GRIK2: variants seen among roughly 807,000 people sequenced by gnomAD.
The protein encoded by GRIK2 is glutamate receptor ionotropic, kainate 2.
Under a neutral mutation model 100.3 loss-of-function variants are expected in GRIK2, and 32 were observed. That is an observed-to-expected ratio of 0.32 (90% CI 0.24 to 0.43). The LOEUF (loss-of-function observed/expected upper bound fraction) is 0.43. Ranked by LOEUF, GRIK2 falls within the 20% of genes least tolerant of loss-of-function variation. The probability of loss-of-function intolerance (pLI) is 1.00; values close to 1 mark genes in which losing one functional copy is unlikely to be tolerated. For missense variants in GRIK2, 843 were observed against 1,114.9 expected (o/e 0.76, Z 3.47); for synonymous variants, 417 against 389.4 (o/e 1.07, Z -0.83).
intron 7 of GRIK2, among the ~76,000 whole-genome samples, chr6:101,768,882 G>A (rs574752619): frequency 1.3e-5 from 2 of 152,276 alleles, no homozygotes; most frequent in East Asian, 3.9e-4. Context: ...GCAGTGCCAT[G>A]TGGTAGGTAT....
rs184994940 is a variant in GRIK2 at position 101,437,781 on chromosome 6, G to T, written c.115+38389G>T. ...CCCGTAAAATAGGGAGAGATACAGGGTTATTGTAACAAGTAGAATAAATGA... is the reference window on the plus strand; with the variant it reads ...CCCGTAAAATAGGGAGAGATACAGGTTTATTGTAACAAGTAGAATAAATGA... On this transcript the variant is annotated intron_variant, in intron 2 of 16. Coordinates refer to ENST00000369134, the MANE Select transcript of GRIK2 (RefSeq NM_021956.5). Among the ~76,000 whole-genome samples, 9 of 152,174 alleles carry T rather than the reference G, an allele frequency of 5.9e-5. No individual in the cohort carries two copies. The East Asian group carries it at 1.5e-3, about 26-fold the overall frequency.
chr6:101,541,388 A>C (rs1384168204), intron 2 of GRIK2, among the ~76,000 whole-genome samples: 1 of 41,634 alleles, frequency 2.4e-5, no homozygotes, highest in East Asian at 4.0e-4. Flanking sequence ...ACACACACAC[A>C]CACACACACA....
intron 15 of GRIK2, among the ~76,000 whole-genome samples, chr6:102,048,699 T>A: frequency 6.6e-6 from 1 of 152,044 alleles, no homozygotes; most frequent in East Asian, 1.9e-4. Context: ...ACATAATGTA[T>A]TGGAGTAATG....
At chr6:101,599,638 T>C (rs1779103692) in intron 2 of GRIK2, among the ~76,000 whole-genome samples, 2 of 151,892 alleles carry the variant, frequency 1.3e-5, no homozygotes, top group South Asian at 4.1e-4. Flanking sequence ...GTGGTTTTGA[T>C]TTGTATTTCT....
chr6:101,783,539 G>A (rs1234178071), intron 7 of GRIK2, among the ~76,000 whole-genome samples: 1 of 152,194 alleles, frequency 6.6e-6, no homozygotes, highest in East Asian at 1.9e-4. Context: ...ATGCTATAAA[G>A]ATAACCTGAA....
At chr6:101,791,789 C>G (rs571775916) in intron 7 of GRIK2, among the ~76,000 whole-genome samples, 2 of 151,530 alleles carry the variant, frequency 1.3e-5, no homozygotes, top group Non-Finnish European at 2.9e-5. Flanking sequence ...GTTGATCTGT[C>G]TAATGTTGAC....
chr6:101,634,036 G>A (rs1780892606), intron 4 of GRIK2, among the ~76,000 whole-genome samples: 1 of 152,022 alleles, frequency 6.6e-6, no homozygotes, highest in Non-Finnish European at 1.5e-5. Flanking sequence ...GCAAGATAAT[G>A]GCAAGATTAG....
At chr6:101,611,534 G>C (rs1349379066) in intron 2 of GRIK2, among the ~76,000 whole-genome samples, 1 of 151,812 alleles carries the variant, frequency 6.6e-6, no homozygotes, top group Non-Finnish European at 1.5e-5. Context: ...GTGCTAATGT[G>C]TATGCTTTGA....
chr6:101,720,782 TA>T (rs1322479503), intron 7 of GRIK2, among the ~76,000 whole-genome samples: 3 of 151,952 alleles, frequency 2.0e-5, no homozygotes, highest in African/African-American at 7.2e-5. Flanking sequence ...ACTAAAAAAA[TA>T]AAATAAAATG....
At chr6:101,818,738 T>A (rs1222817914) in intron 10 of GRIK2, among the ~76,000 whole-genome samples, 1 of 152,210 alleles carries the variant, frequency 6.6e-6, no homozygotes, top group Admixed American at 6.5e-5. Flanking sequence ...TCTTTTCATT[T>A]TTCCAAAATT....
chr6:101,984,801 A>G (rs1045825667), intron 14 of GRIK2, among the ~76,000 whole-genome samples: 4 of 151,808 alleles, frequency 2.6e-5, no homozygotes, highest in Admixed American at 6.6e-5. Flanking sequence ...TCGGACCCCA[A>G]TAATGAAATT....
At position 101,546,367 on chromosome 6, in the gene GRIK2, G is replaced by A. The variant is rs891849854; in HGVS notation, c.116-75582G>A. Among the ~76,000 whole-genome samples the A allele has an allele frequency of 5.6e-4, 85 of 152,042 alleles. 3 individuals are homozygous for A. On this transcript the variant is annotated intron_variant, in intron 2 of 16. Transcript: ENST00000369134. The stretch of plus-strand genomic sequence containing the variant: ...TGATTAACCTGATACCTTTATGTTG[G>A]CCTTTTATTTGAGAATTTTCTATAT...
intron 7 of GRIK2, among the ~76,000 whole-genome samples, chr6:101,757,742 C>T (rs1777226889): frequency 6.6e-6 from 1 of 152,098 alleles, no homozygotes; most frequent in Non-Finnish European, 1.5e-5. Flanking sequence ...GAATTGAGAT[C>T]CTTCCAGGTA....
chr6:102,035,549 G>A lies in GRIK2; in HGVS notation c.2294G>A (p.Gly765Asp), dbSNP rs1385932789. 2 of 1,593,486 alleles carry A rather than the reference G, an allele frequency of 1.3e-6. No individual in the cohort carries two copies. The highest frequency in any genetic ancestry group is 1.7e-6 in the Non-Finnish European group (2 of 1,162,782). The change falls in exon 15 of 17, where the codon GGC (glycine) becomes GAC (aspartate). Residue 765 changes from glycine (G) to aspartate (D), a missense_variant. Coordinates refer to ENST00000369134, the MANE Select transcript of GRIK2 (RefSeq NM_021956.5). The stretch of plus-strand genomic sequence containing the variant: ...GGCCTTATAGACTCTAAAGGTTATG[G>A]CGTTGGCACTCCCATGGGTAGGTTA... ...IGGLIDSKGY[G>D]VGTPMGSPYR...
chr6:101,578,539 A>G (rs1777895023), intron 2 of GRIK2, among the ~76,000 whole-genome samples: 2 of 152,114 alleles, frequency 1.3e-5, no homozygotes, highest in Non-Finnish European at 2.9e-5. Context: ...AAGGAAATGG[A>G]TGTTAACTAT....
At chr6:101,993,858 T>C (rs1197920212) in intron 14 of GRIK2, 1 of 147,818 alleles carries the variant, frequency 6.8e-6, no homozygotes, top group African/African-American at 2.5e-5. Context: ...ATGTATTTGC[T>C]CTATTATTTA....
chr6:101,838,411 T>A (rs930633380), intron 10 of GRIK2, among the ~76,000 whole-genome samples: 1 of 152,046 alleles, frequency 6.6e-6, no homozygotes, highest in Admixed American at 6.6e-5. Flanking sequence ...TGCCTGTAAC[T>A]CTATATATTT....
At chr6:101,773,910 A>G (rs1414679734) in intron 7 of GRIK2, among the ~76,000 whole-genome samples, 1 of 152,160 alleles carries the variant, frequency 6.6e-6, no homozygotes, top group Non-Finnish European at 1.5e-5. Flanking sequence ...TGCTACTACA[A>G]TTATTGTAGA....
intron 11 of GRIK2, among the ~76,000 whole-genome samples, chr6:101,884,950 A>G (rs77839181): frequency 2.5e-3 from 383 of 152,260 alleles, no homozygotes; most frequent in African/African-American, 8.8e-3. Flanking sequence ...TTAAGTTAAT[A>G]AGATAGCTGC....
Sources: gnomAD v4.1 joint callset for allele counts (sites outside exome capture counted in the v4.1 genomes callset) on GRCh38, gnomAD v4.1.1 for gene constraint, MANE v1.5 for transcripts, NCBI Gene and HGNC (gene_info 2026-07-23, HGNC 2026-07-21) for gene names.